Variants in STK32A observed in about 807,000 individuals in gnomAD.
The protein encoded by STK32A is serine/threonine-protein kinase 32A.
A neutral mutation model predicts 53.2 loss-of-function variants in STK32A; 41 were observed. That is an observed-to-expected ratio of 0.77 (90% CI 0.60 to 1.00). STK32A has a LOEUF of 1.00. STK32A is among the 50% of genes least tolerant of loss of function. The probability of loss-of-function intolerance (pLI) is 0.00; values close to 1 mark genes in which losing one functional copy is unlikely to be tolerated. For synonymous variants in STK32A, 166 were observed against 162.8 expected, an observed-to-expected ratio of 1.02 and a Z score of -0.15; for missense variants, 458 against 485.8, an observed-to-expected ratio of 0.94 and a Z score of 0.54.
At chr5:147,331,312 TC>T (rs1162714278) in intron 5 of STK32A, among the ~76,000 whole-genome samples, 1 of 152,180 alleles carries the variant, frequency 6.6e-6, no homozygotes, top group Non-Finnish European at 1.5e-5. Context: ...ATTGGCAGGT[TC>T]CACACACCAC....
At chr5:147,324,137 T>C in intron 5 of STK32A, 66 bp downstream of exon 5, 2 of 1,404,720 alleles carry the variant, frequency 1.4e-6, no homozygotes, top group South Asian at 1.4e-5. Context: ...CTGGCTACCT[T>C]CAATAAATTC....
At chr5:147,269,537 G>A (rs983120518) in intron 2 of STK32A, among the ~76,000 whole-genome samples, 13 of 152,144 alleles carry the variant, frequency 8.5e-5, no homozygotes, top group East Asian at 1.9e-4. Context: ...TGCCTTTAGC[G>A]AATCATAGCA....
At chr5:147,325,991 G>A (rs1754568057) in intron 5 of STK32A, among the ~76,000 whole-genome samples, 2 of 152,078 alleles carry the variant, frequency 1.3e-5, no homozygotes, top group Non-Finnish European at 2.9e-5. Context: ...TTGAAATTGG[G>A]TTCTGTCCCT....
intron 5 of STK32A, among the ~76,000 whole-genome samples, chr5:147,335,586 A>G (rs1211919642): frequency 6.6e-6 from 1 of 152,246 alleles, no homozygotes; most frequent in African/African-American, 2.4e-5. Flanking sequence ...TCCCCAGGAC[A>G]GCAAGGAAGC....
chr5:147,289,293 A>G (rs2151960067), intron 4 of STK32A, among the ~76,000 whole-genome samples: 1 of 152,326 alleles, frequency 6.6e-6, no homozygotes, highest in Non-Finnish European at 1.5e-5. Flanking sequence ...CGAAAGCATT[A>G]AAAGCTTAAG....
intron 2 of STK32A, among the ~76,000 whole-genome samples, chr5:147,255,520 G>T (rs939383086): frequency 4.6e-5 from 7 of 152,180 alleles, no homozygotes; most frequent in African/African-American, 1.7e-4. Context: ...ATCTTATAAA[G>T]GGGTCATTTA....
intron 2 of STK32A, among the ~76,000 whole-genome samples, chr5:147,240,759 C>T (rs547018104): frequency 2.0e-5 from 3 of 152,182 alleles, no homozygotes; most frequent in Non-Finnish European, 4.4e-5. Flanking sequence ...TTATCTTTCT[C>T]ATGTGACAAT....
chr5:147,342,708 A>G, intron 5 of STK32A: 1 of 381,774 alleles, frequency 2.6e-6, no homozygotes, highest in Non-Finnish European at 4.7e-6. Flanking sequence ...ACATGCTTAG[A>G]TACAACATGC....
intron 1 of STK32A, among the ~76,000 whole-genome samples, chr5:147,236,661 C>A (rs1324794041): frequency 1.3e-5 from 2 of 152,204 alleles, no homozygotes; most frequent in Non-Finnish European, 2.9e-5. Flanking sequence ...CTGCTTCCCC[C>A]TTCCACAGAC....
chr5:147,360,869 T>C (rs1338985380), intron 7 of STK32A, among the ~76,000 whole-genome samples: 1 of 152,212 alleles, frequency 6.6e-6, no homozygotes, highest in East Asian at 1.9e-4. Flanking sequence ...AGAGAATGCA[T>C]AACTTGGGGT....
the STK32A span, among the ~76,000 whole-genome samples, chr5:147,401,194 T>C: frequency 6.6e-6 from 1 of 152,238 alleles, no homozygotes; most frequent in African/African-American, 2.4e-5. Flanking sequence ...ATTTAGCTTC[T>C]CTGACCTTCA....
At chr5:147,360,027 A>C (rs1036399375) in intron 7 of STK32A, among the ~76,000 whole-genome samples, 1 of 152,140 alleles carries the variant, frequency 6.6e-6, no homozygotes, top group Non-Finnish European at 1.5e-5. Context: ...AAATCTTTCA[A>C]CTAGGTCAAT....
intron 4 of STK32A, among the ~76,000 whole-genome samples, chr5:147,294,303 C>G (rs1752750029): frequency 6.6e-6 from 1 of 152,164 alleles, no homozygotes; most frequent in African/African-American, 2.4e-5. Flanking sequence ...CTCACTCTGC[C>G]CAGCCTGGAG....
chr5:147,235,851 A>G (rs1753289646), intron 1 of STK32A, among the ~76,000 whole-genome samples: 1 of 152,220 alleles, frequency 6.6e-6, no homozygotes, highest in African/African-American at 2.4e-5. Flanking sequence ...GGTGGAAATA[A>G]TATTTCCCTA....
At chr5:147,395,434 A>G in the STK32A span, 2 of 1,192,494 alleles carry the variant, frequency 1.7e-6, no homozygotes. Context: ...TTCTCCCTAA[A>G]GTTGACACCA....
Position 147,279,463 on chromosome 5 carries a change from C to G in STK32A, c.260+65C>G, listed in dbSNP as rs1014078274. The G allele has an allele frequency of 9.7e-6, 14 of 1,447,008 alleles. No individual in the cohort carries two copies. The African/African-American group carries it at 2.0e-4, about 20-fold the overall frequency. The allele number at this position is 1,447,008 out of a possible 1,614,324, so 89.6% of individuals were successfully genotyped here. A position where few individuals can be genotyped will look rare whatever the true frequency, so the allele number is the denominator to read the frequency against. On this transcript the variant is annotated intron_variant, in intron 4 of 12. Transcript: ENST00000397936. Reference sequence around the variant, plus strand: ...GTTATCGGTGGGCTAGGGGAGGTCCCCAAATGCCTCTGGGACCTCAGCCCT... The same window carrying G: ...GTTATCGGTGGGCTAGGGGAGGTCCGCAAATGCCTCTGGGACCTCAGCCCT...
chr5:147,291,552 A>T (rs200708944), intron 4 of STK32A, among the ~76,000 whole-genome samples: 5 of 64,334 alleles, frequency 7.8e-5, no homozygotes, highest in East Asian at 9.1e-4. Context: ...AATTACAATT[A>T]AAAAAAAAAA....
chr5:147,236,100 A>G (rs1462944897), intron 1 of STK32A, among the ~76,000 whole-genome samples: 2 of 152,120 alleles, frequency 1.3e-5, no homozygotes, highest in Admixed American at 6.5e-5. Flanking sequence ...ATCACCTCCT[A>G]TGTTTTCCAA....
At chr5:147,341,885 A>T (rs910300271) in intron 5 of STK32A, among the ~76,000 whole-genome samples, 3 of 152,206 alleles carry the variant, frequency 2.0e-5, no homozygotes, top group African/African-American at 7.2e-5. Context: ...AAGTAAAAAA[A>T]ATTCACAGGA....
Sources: allele counts gnomAD v4.1 joint callset (sites outside exome capture counted in the v4.1 genomes callset), GRCh38; gene constraint gnomAD v4.1.1; transcripts MANE v1.5; gene names NCBI Gene and HGNC (gene_info 2026-07-23, HGNC 2026-07-21).